Variants in VPS13C observed in about 807,000 individuals in gnomAD.
VPS13C encodes the protein intermembrane lipid transfer protein VPS13C.
In VPS13C, 358 loss-of-function variants were observed where a neutral mutation model predicts 456.8. The ratio of observed to expected loss-of-function variants is 0.78; its 90% CI spans 0.72 to 0.86. The LOEUF is 0.86. Ranked by LOEUF, VPS13C falls within the 40% of genes least tolerant of loss-of-function variation. VPS13C has a pLI of 0.00. For missense variants in VPS13C, 4,818 were observed against 4,385.4 expected (o/e 1.10, Z -2.79); for synonymous variants, 1,578 against 1,486.7 (o/e 1.06, Z -1.41).
chr15:61,866,302 A>C (rs1306413556), intron 81 of VPS13C: 1 of 983,618 alleles, frequency 1.0e-6, no homozygotes, highest in Non-Finnish European at 1.2e-6. Flanking sequence ...CTTAATAAAA[A>C]CTAAGAAATC....
chr15:62,010,651 AC>A, intron 12 of VPS13C, 52 bp from the exon 13 acceptor site: 1 of 1,482,420 alleles, frequency 6.7e-7, no homozygotes, highest in Non-Finnish European at 9.0e-7. Flanking sequence ...TTACATATAA[AC>A]AAGTGTAAAT....
At chr15:62,032,859 T>C (rs1473406625) in intron 5 of VPS13C, among the ~76,000 whole-genome samples, 1 of 151,850 alleles carries the variant, frequency 6.6e-6, no homozygotes, top group Non-Finnish European at 1.5e-5. Flanking sequence ...TTTTTCATCA[T>C]ATCCTTGTTC....
At chr15:61,978,528 G>C in intron 23 of VPS13C, 98 bp downstream of exon 23, 1 of 1,377,684 alleles carries the variant, frequency 7.3e-7, no homozygotes, top group Non-Finnish European at 9.7e-7. Context: ...TGTGCAAAAT[G>C]GTTGTCAGGG....
At position 61,867,583 on chromosome 15, in the gene VPS13C, C is replaced by T. The variant is rs1024933969; in HGVS notation, c.10863+1076G>A. 3.9e-6 allele frequency: 4 copies of T among 1,029,468 alleles called. No individual in the cohort carries two copies. Among genetic ancestry groups the T allele is most frequent in the African/African-American group, 3.4e-5 (2 of 58,450 alleles). 63.8% of individuals were successfully genotyped at this position (1,029,468 alleles called of 1,614,324 possible). On this transcript the variant is annotated intron_variant, in intron 81 of 84. Transcript: ENST00000644861. The surrounding 1 kb of genome is among the most constrained non-coding windows in gnomAD (Gnocchi z 5.0). ...ATAATTGTCCTGTTTTTCAATTTTA[C>T]CTGAAATGCACATGAACACCATAAG...
chr15:62,025,370 G>A (rs575697604), intron 6 of VPS13C, among the ~76,000 whole-genome samples: 8 of 152,162 alleles, frequency 5.3e-5, no homozygotes, highest in South Asian at 4.1e-4. Context: ...TGCTATTCCA[G>A]TAGTTCTTGC....
At chr15:61,906,307 A>C (rs2043150879) in intron 66 of VPS13C, among the ~76,000 whole-genome samples, 1 of 152,158 alleles carries the variant, frequency 6.6e-6, no homozygotes. Context: ...AGGTGGAATC[A>C]CCCTCTCTTC....
In VPS13C at chr15:61,990,862, G is replaced by C. The variant is rs537592355; in HGVS notation, c.1578+138C>G. The C allele has an allele frequency of 8.0e-4, 500 of 625,324 alleles. 1 individual carries two copies. Among genetic ancestry groups the C allele is most frequent in the Non-Finnish European group, 1.3e-3 (458 of 365,134 alleles). The allele number at this position is 625,324 out of a possible 1,614,324, so 38.7% of individuals were successfully genotyped here. A position where few individuals can be genotyped will look rare whatever the true frequency, so the allele number is the denominator to read the frequency against. On this transcript the variant is annotated intron_variant, in intron 18 of 84. Transcript: ENST00000644861. Reference sequence around the variant, plus strand: ...GAGAGAATTTTAATTGGTAAAACCTGACTGAAACATTCAACCATTAAGTAG... The same window carrying C: ...GAGAGAATTTTAATTGGTAAAACCTCACTGAAACATTCAACCATTAAGTAG...
intron 66 of VPS13C, among the ~76,000 whole-genome samples, chr15:61,902,833 T>C (rs2140119614): frequency 6.8e-6 from 1 of 147,706 alleles, no homozygotes; most frequent in Non-Finnish European, 1.5e-5. Flanking sequence ...CATAGTGAAG[T>C]CCTAGTCAAA....
intron 79 of VPS13C, among the ~76,000 whole-genome samples, chr15:61,870,444 T>C (rs1280396628): frequency 6.6e-6 from 1 of 152,218 alleles, no homozygotes; most frequent in Non-Finnish European, 1.5e-5. Context: ...ATCCATTTTG[T>C]AACAAGTACC....
intron 45 of VPS13C, among the ~76,000 whole-genome samples, chr15:61,944,599 G>A (rs929698514): frequency 2.6e-5 from 4 of 152,058 alleles, no homozygotes; most frequent in South Asian, 4.1e-4. Context: ...TTTCATGGAT[G>A]TAACATTGGG....
chr15:61,950,412 G>A lies in VPS13C; in HGVS notation c.4542C>T (p.Asp1514=). ...TAGTTTTAAATTCTGGTCCATCACT[G>A]TCTGCCTACAAATAGTGGAGAATTA... ...PLLKMLLTKA[D]SDGPEFKTIH... Residue 1514 remains aspartate (D), a synonymous_variant, in exon 41 of 85, where the codon GAC becomes GAT. Transcript: ENST00000644861. 6.2e-7 allele frequency: 1 copy of A among 1,610,374 alleles called. No individual in the cohort carries two copies. Among genetic ancestry groups the A allele is most frequent in the Non-Finnish European group, 8.5e-7 (1 of 1,177,420 alleles).
Position 61,942,008 on chromosome 15 carries a change from A to C in VPS13C, c.5208T>G (p.Ala1736=). Reference sequence around the variant, plus strand: ...TCATGCTGGAAGCAGCTCTTTCTGCAGCCTGGACTGTGGCTGTACTCAAAG... The same window carrying C: ...TCATGCTGGAAGCAGCTCTTTCTGCCGCCTGGACTGTGGCTGTACTCAAAG... ...KEALSTATVQ[A]AERAASSMKD... Residue 1736 remains alanine, a synonymous_variant, in exon 46 of 85, where the codon GCT becomes GCG. Transcript: ENST00000644861. The C allele has an allele frequency of 6.2e-7, 1 of 1,613,892 alleles. No individual in the cohort carries two copies. The highest frequency in any genetic ancestry group is 1.1e-5 in the South Asian group (1 of 91,064).
chr15:62,058,657 T>C (rs767223586), intron 1 of VPS13C, among the ~76,000 whole-genome samples: 11 of 152,254 alleles, frequency 7.2e-5, no homozygotes, highest in Non-Finnish European at 1.3e-4. Flanking sequence ...CCAATTTTGG[T>C]ATGGTCAGGG....
intron 12 of VPS13C, 42 bp downstream of exon 12, chr15:62,012,065 G>A (rs772530479): frequency 2.5e-6 from 3 of 1,197,104 alleles, no homozygotes; most frequent in Non-Finnish European, 3.6e-6. Flanking sequence ...TTAATTCTAT[G>A]TTTCTTCCTA....
At chr15:62,056,120 T>C (rs2048788070) in intron 1 of VPS13C, among the ~76,000 whole-genome samples, 1 of 152,128 alleles carries the variant, frequency 6.6e-6, no homozygotes, top group Non-Finnish European at 1.5e-5. Flanking sequence ...TATCAATTGA[T>C]TCCAAAGAAT....
chr15:62,010,853 G>C (rs917322542), intron 12 of VPS13C, among the ~76,000 whole-genome samples: 1 of 152,096 alleles, frequency 6.6e-6, no homozygotes, highest in African/African-American at 2.4e-5. Flanking sequence ...ATGTATAAAA[G>C]AGACAGACAA....
At position 62,060,379 on chromosome 15, in the gene VPS13C, G is replaced by T; in HGVS notation, c.-5C>A. ...GACCACCGACTCCAGCACCATGGTG[G>T]CGCTGAGGCACAAGGAGAGGGAGGA... On this transcript the variant is annotated 5_prime_UTR_variant, in exon 1 of 85. Transcript: ENST00000644861. 6.5e-7 allele frequency: 1 copy of T among 1,549,072 alleles called. No homozygotes were observed.
intron 44 of VPS13C, among the ~76,000 whole-genome samples, 170 bp downstream of exon 44, chr15:61,946,137 G>A (rs1268312575): frequency 1.3e-5 from 2 of 152,064 alleles, no homozygotes; most frequent in Non-Finnish European, 2.9e-5. Flanking sequence ...GTATCAAGAG[G>A]CCTAGTCTAT....
At chr15:61,923,160 G>A (rs1282026717) in intron 53 of VPS13C, among the ~76,000 whole-genome samples, 1 of 149,814 alleles carries the variant, frequency 6.7e-6, no homozygotes, top group African/African-American at 2.5e-5. Flanking sequence ...CAAAGTGTGT[G>A]ATCCTTGTCA....
Sources: allele counts gnomAD v4.1 joint callset (sites outside exome capture counted in the v4.1 genomes callset), GRCh38; gene constraint gnomAD v4.1.1; non-coding constraint Gnocchi (gnomAD v3.1); transcripts MANE v1.5; gene names NCBI Gene and HGNC (gene_info 2026-07-23, HGNC 2026-07-21).